Variants in SRPX2 observed in about 807,000 individuals in gnomAD.
SRPX2 encodes the protein sushi repeat-containing protein SRPX2.
In SRPX2, 26 loss-of-function variants were observed where a neutral mutation model predicts 45.3. The ratio of observed to expected loss-of-function variants is 0.57; its 90% CI spans 0.42 to 0.80. The LOEUF (loss-of-function observed/expected upper bound fraction) is 0.80. SRPX2 is among the 30% of genes least tolerant of loss of function. The pLI, the probability that SRPX2 is intolerant of heterozygous loss-of-function variation, is 0.00. For missense variants in SRPX2, 355 were observed against 399.8 expected (o/e 0.89, Z 0.95); for synonymous variants, 125 against 143.7 (o/e 0.87, Z 0.93).
At chrX:100,663,294 T>C (rs773453228) in intron 4 of SRPX2, among the ~76,000 whole-genome samples, 8 of 111,355 alleles carry the variant, frequency 7.2e-5, no homozygotes, top group Non-Finnish European at 1.5e-4. Context: ...AATTGAAAAA[T>C]ATAGGTCTGT....
intron 9 of SRPX2, among the ~76,000 whole-genome samples, chrX:100,668,628 C>G (rs188519102): frequency 2.7e-4 from 30 of 112,024 alleles, no homozygotes; most frequent in Admixed American, 2.3e-3. Flanking sequence ...GGACAGAGAT[C>G]TGGGGTAGGA....
At chrX:100,660,522 C>T (rs774777728) in intron 3 of SRPX2, among the ~76,000 whole-genome samples, 2 of 111,962 alleles carry the variant, frequency 1.8e-5, no homozygotes, top group Non-Finnish European at 3.8e-5. Flanking sequence ...GTTAGTTTAG[C>T]CATTCACCCA....
intron 4 of SRPX2, 134 bp from the exon 5 acceptor site, chrX:100,664,640 A>C: frequency 6.0e-6 from 4 of 668,294 alleles, no homozygotes; most frequent in Non-Finnish European, 9.3e-6. Context: ...GTTAGGCACA[A>C]AAATGTAAGG....
intron 2 of SRPX2, among the ~76,000 whole-genome samples, chrX:100,648,758 A>T (rs1262013556): frequency 4.5e-5 from 5 of 112,092 alleles, no homozygotes; most frequent in Non-Finnish European, 9.4e-5. Context: ...ATGATGTAAA[A>T]TGCTTGGTGG....
At chrX:100,667,781 C>T (rs1357580913) in intron 9 of SRPX2, among the ~76,000 whole-genome samples, 1 of 112,384 alleles carries the variant, frequency 8.9e-6, no homozygotes, top group Non-Finnish European at 1.9e-5. Flanking sequence ...TGCTATGTAG[C>T]TATCCAGTAC....
intron 10 of SRPX2, among the ~76,000 whole-genome samples, chrX:100,670,235 ACTGC>A (rs1408720256): frequency 9.0e-6 from 1 of 111,327 alleles, no homozygotes; most frequent in Non-Finnish European, 1.9e-5. Context: ...TAAAGCCATC[ACTGC>A]TCTGTTTTAG....
At chrX:100,666,478 G>C (rs1368734006) in intron 7 of SRPX2, among the ~76,000 whole-genome samples, 1 of 112,646 alleles carries the variant, frequency 8.9e-6, no homozygotes, top group Non-Finnish European at 1.9e-5. Context: ...TCTGGAAACA[G>C]ATGGTAATAT....
chrX:100,652,704 C>T (rs73636610), intron 3 of SRPX2, among the ~76,000 whole-genome samples: 1,726 of 111,664 alleles, frequency 0.015, 26 homozygotes, highest in African/African-American at 0.053. Flanking sequence ...AAGATGTTAT[C>T]TGGCAAGAAG....
Position 100,672,286 on chromosome X carries a change from A to T in SRPX2, c.*1299A>T, listed in dbSNP as rs934562877. ...CTTCTTTCATACAGTCATGGAACCC[A>T]GAGTCATAGCTAAGACTCAGCAGCC... On this transcript the variant is annotated 3_prime_UTR_variant, in exon 11 of 11. Transcript: ENST00000373004. 2 of 112,056 alleles carry T rather than the reference A, an allele frequency of 1.8e-5. No individual in the cohort carries two copies. The highest frequency in any genetic ancestry group is 3.8e-5 in the Non-Finnish European group (2 of 53,197). 9.2% of individuals were successfully genotyped at this position (112,056 alleles called of 1,213,427 possible).
At chrX:100,648,484 A>G (rs755313614) in intron 2 of SRPX2, among the ~76,000 whole-genome samples, 1 of 111,838 alleles carries the variant, frequency 8.9e-6, no homozygotes, top group Non-Finnish European at 1.9e-5. Flanking sequence ...AAGCAGACAG[A>G]ATAATGTAGG....
chrX:100,668,404 G>C, intron 9 of SRPX2, among the ~76,000 whole-genome samples: 1 of 106,277 alleles, frequency 9.4e-6, no homozygotes, highest in Non-Finnish European at 1.9e-5. Context: ...TATTCATCTA[G>C]AGATCCAAAA....
Position 100,667,360 on chromosome X carries a change from C to T in SRPX2, c.1048C>T (p.Pro350Ser), listed in dbSNP as rs746198451. The T allele has an allele frequency of 2.5e-6, 3 of 1,211,633 alleles. No individual in the cohort carries two copies. The highest frequency in any genetic ancestry group is 4.3e-5 in the Admixed American group (2 of 46,015). ...ACAGCGACTCCTCATCATCTCAGCT[C>T]CTGATCCTTCCAACCGATATTATAA... ...EKQRLLIISA[P>S]DPSNRYYKMQ... Residue 350 changes from proline to serine, a missense_variant, in exon 9 of 11, where the codon CCT (proline) becomes TCT (serine). Pro to Ser is a moderately conservative substitution (Grantham distance 74, BLOSUM62 -1). Coordinates refer to ENST00000373004, the MANE Select transcript of SRPX2 (RefSeq NM_014467.3).
chrX:100,651,099 A>C, intron 3 of SRPX2: 1 of 403,685 alleles, frequency 2.5e-6, no homozygotes, highest in Non-Finnish European at 4.3e-6. Flanking sequence ...CTAGTTACTC[A>C]ATGCCTAATC....
At position 100,661,494 on chromosome X, in the gene SRPX2, G is replaced by A. The variant is rs779389608; in HGVS notation, c.164-682G>A. 9.8e-5 allele frequency among the ~76,000 whole-genome samples: 11 copies of A among 112,323 alleles called. No homozygotes were observed. In the East Asian group the frequency reaches 2.8e-3, roughly 28 times the overall value. On this transcript the variant is annotated intron_variant, in intron 3 of 10. Transcript: ENST00000373004. Reference sequence around the variant, plus strand: ...TTATTAAAATTTAATTCTTCTGGCCGGGCGCAGTGGCTCACGCCTGTAATC... The same window carrying A: ...TTATTAAAATTTAATTCTTCTGGCCAGGCGCAGTGGCTCACGCCTGTAATC...
chrX:100,661,317 T>C (rs1238486250), intron 3 of SRPX2, among the ~76,000 whole-genome samples: 1 of 112,428 alleles, frequency 8.9e-6, no homozygotes, highest in East Asian at 2.8e-4. Flanking sequence ...TGTGCTTATA[T>C]CTTTTGTCCA....
chrX:100,649,560 A>T (rs901337177), intron 2 of SRPX2: 2 of 112,444 alleles, frequency 1.8e-5, no homozygotes, highest in Non-Finnish European at 3.8e-5. Context: ...ACATGATTTC[A>T]TAAGGCAAAC....
At chrX:100,666,646 C>T in intron 7 of SRPX2, 108 bp from the exon 8 acceptor site, 1 of 1,014,775 alleles carries the variant, frequency 9.9e-7, no homozygotes, top group South Asian at 2.0e-5. Flanking sequence ...AGCCATTTTT[C>T]TGATCATCCT....
intron 3 of SRPX2, among the ~76,000 whole-genome samples, chrX:100,653,413 A>T (rs1300916154): frequency 1.8e-5 from 2 of 110,789 alleles, no homozygotes; most frequent in Admixed American, 9.6e-5. Context: ...AGTCACCAAG[A>T]CCTGTCATTT....
At chrX:100,646,461 A>C in intron 2 of SRPX2, 57 bp downstream of exon 2, 1 of 1,045,195 alleles carries the variant, frequency 9.6e-7, no homozygotes, top group East Asian at 3.0e-5. Flanking sequence ...CTAGACCAAG[A>C]CTTGGAGAAG....
Sources: gnomAD v4.1 joint callset for allele counts (sites outside exome capture counted in the v4.1 genomes callset) on GRCh38, gnomAD v4.1.1 for gene constraint, MANE v1.5 for transcripts, NCBI Gene and HGNC (gene_info 2026-07-23, HGNC 2026-07-21) for gene names.